Variants in CAST observed in about 807,000 individuals in gnomAD.
CAST encodes the protein MIR583 host.
CAST carries 76 observed loss-of-function variants against 119.6 expected under a neutral mutation model. The ratio of observed to expected loss-of-function variants is 0.64; its 90% CI spans 0.53 to 0.77. CAST has a LOEUF of 0.77. CAST is among the 30% of genes least tolerant of loss of function. CAST has a pLI of 0.00. For missense variants in CAST, 953 were observed against 946.5 expected, an observed-to-expected ratio of 1.01 and a Z score of -0.09; for synonymous variants, 319 against 331.6, an observed-to-expected ratio of 0.96 and a Z score of 0.41.
the CAST span, among the ~76,000 whole-genome samples, chr5:96,131,477 G>A: frequency 6.6e-6 from 1 of 151,550 alleles, no homozygotes; most frequent in South Asian, 2.1e-4. Flanking sequence ...AAAACCTCAA[G>A]CATGATTGCC....
At chr5:96,255,029 T>C in the CAST span, among the ~76,000 whole-genome samples, 1 of 152,162 alleles carries the variant, frequency 6.6e-6, no homozygotes, top group Non-Finnish European at 1.5e-5. Flanking sequence ...TTGTAGCTTA[T>C]GTTGCAAGCA....
the CAST span, among the ~76,000 whole-genome samples, chr5:96,343,346 G>T: frequency 2.1e-3 from 327 of 152,216 alleles, no homozygotes; most frequent in African/African-American, 7.4e-3. Context: ...ACAACTTATT[G>T]ATTTTTTAAT....
chr5:96,303,331 C>G, the CAST span, among the ~76,000 whole-genome samples: 6 of 152,264 alleles, frequency 3.9e-5, no homozygotes, highest in African/African-American at 1.4e-4. Context: ...GAAATTTCGA[C>G]AGGGACACAG....
At chr5:96,129,265 T>C in the CAST span, among the ~76,000 whole-genome samples, 1 of 152,114 alleles carries the variant, frequency 6.6e-6, no homozygotes, top group Admixed American at 6.6e-5. Flanking sequence ...TGTATACAGA[T>C]TGTAAATAGA....
At chr5:96,475,475 G>A in the CAST span, among the ~76,000 whole-genome samples, 1 of 152,170 alleles carries the variant, frequency 6.6e-6, no homozygotes, top group Non-Finnish European at 1.5e-5. Context: ...AGAAACCTGG[G>A]TATTGATGTT....
At chr5:96,159,847 C>G in the CAST span, among the ~76,000 whole-genome samples, 5 of 151,746 alleles carry the variant, frequency 3.3e-5, no homozygotes, top group Non-Finnish European at 7.4e-5. Context: ...TACAATTCAC[C>G]CTTTTAAAAT....
At chr5:96,475,085 C>T in the CAST span, among the ~76,000 whole-genome samples, 3 of 152,180 alleles carry the variant, frequency 2.0e-5, no homozygotes, top group African/African-American at 7.2e-5. Flanking sequence ...GCAGGCATGC[C>T]ATACCTATGG....
At chr5:96,616,793 C>CATAT (rs1554070992) in intron 1 of CAST, among the ~76,000 whole-genome samples, 4 of 140,944 alleles carry the variant, frequency 2.8e-5, no homozygotes, top group Admixed American at 1.4e-4. Context: ...CACACACACA[C>CATAT]ACATATACAT....
chr5:96,094,638 A>G, the CAST span, among the ~76,000 whole-genome samples: 1 of 152,200 alleles, frequency 6.6e-6, no homozygotes, highest in African/African-American at 2.4e-5. Flanking sequence ...ACTGATAAAG[A>G]TATGGAGAAA....
the CAST span, among the ~76,000 whole-genome samples, chr5:96,075,933 G>A: frequency 0.01 from 1,576 of 152,270 alleles, 33 homozygotes; most frequent in African/African-American, 0.035. Context: ...TTGAAAACAG[G>A]CTAAGGGGAA....
chr5:96,375,434 G>GTT, the CAST span, among the ~76,000 whole-genome samples: 110 of 129,576 alleles, frequency 8.5e-4, no homozygotes, highest in East Asian at 3.2e-3. Flanking sequence ...GTGTGTGTGT[G>GTT]TGTTTTTTTT....
At chr5:96,032,672 C>T in the CAST span, among the ~76,000 whole-genome samples, 3 of 152,110 alleles carry the variant, frequency 2.0e-5, no homozygotes, top group South Asian at 2.1e-4. Context: ...AGGTCTGTTG[C>T]CTCTGGCTGA....
the CAST span, among the ~76,000 whole-genome samples, chr5:96,174,882 A>G: frequency 6.6e-6 from 1 of 152,164 alleles, no homozygotes; most frequent in African/African-American, 2.4e-5. Flanking sequence ...TTTTCTTTTC[A>G]ATCTTTAATG....
At chr5:96,467,663 T>C in the CAST span, among the ~76,000 whole-genome samples, 1 of 152,004 alleles carries the variant, frequency 6.6e-6, no homozygotes, top group Non-Finnish European at 1.5e-5. Flanking sequence ...CGTGATAGTA[T>C]CTTTTTAAAA....
At chr5:96,627,331 G>A (rs998100165) in intron 1 of CAST, among the ~76,000 whole-genome samples, 2 of 152,278 alleles carry the variant, frequency 1.3e-5, no homozygotes, top group Admixed American at 6.5e-5. Flanking sequence ...TGCAGAAGGC[G>A]AAAATTTTGG....
At chr5:96,706,403 T>G (rs994958280) in intron 3 of CAST, among the ~76,000 whole-genome samples, 1 of 152,110 alleles carries the variant, frequency 6.6e-6, no homozygotes, top group African/African-American at 2.4e-5. Context: ...AAGAGCAATG[T>G]AAAAAGTGTT....
the CAST span, among the ~76,000 whole-genome samples, chr5:96,412,752 G>GTTTTTTTT: frequency 4.6e-4 from 33 of 71,804 alleles, 4 homozygotes; most frequent in African/African-American, 1.9e-3. Context: ...CAGCTGTGAT[G>GTTTTTTTT]TTTTTTTTTT....
chr5:96,692,308 C>T (rs892888397), intron 2 of CAST, among the ~76,000 whole-genome samples: 2 of 152,014 alleles, frequency 1.3e-5, no homozygotes, highest in Non-Finnish European at 2.9e-5. Flanking sequence ...AGCCAGAGGA[C>T]GTTGAAAACC....
At chr5:96,282,710 T>C in the CAST span, among the ~76,000 whole-genome samples, 1 of 152,218 alleles carries the variant, frequency 6.6e-6, no homozygotes, top group African/African-American at 2.4e-5. Flanking sequence ...ACTTTTGTCA[T>C]TGTGGGGTTA....
Sources: allele counts gnomAD v4.1 joint callset (sites outside exome capture counted in the v4.1 genomes callset), GRCh38; gene constraint gnomAD v4.1.1; transcripts MANE v1.5; gene names NCBI Gene and HGNC (gene_info 2026-07-23, HGNC 2026-07-21).